Variants in PTPRC observed in about 807,000 individuals in gnomAD.
PTPRC encodes protein tyrosine phosphatase receptor type C, also known as receptor-type tyrosine-protein phosphatase C.
Under a neutral mutation model 155.9 loss-of-function variants are expected in PTPRC, and 44 were observed. The observed-to-expected ratio is 0.28, with a 90% CI of 0.22 to 0.36. PTPRC has a LOEUF of 0.36. Among genes scored for constraint, PTPRC ranks in the 10% least tolerant of loss-of-function variants. PTPRC has a pLI of 1.00. For missense variants in PTPRC, 1,401 were observed against 1,564.6 expected, an observed-to-expected ratio of 0.90 and a Z score of 1.76; for synonymous variants, 525 against 533.1, an observed-to-expected ratio of 0.98 and a Z score of 0.21.
At chr1:198,666,497 AT>A (rs1344794590) in intron 2 of PTPRC, among the ~76,000 whole-genome samples, 1 of 152,178 alleles carries the variant, frequency 6.6e-6, no homozygotes, top group African/African-American at 2.4e-5. Flanking sequence ...TTTGCTAACC[AT>A]GTTAGATGCT....
At chr1:198,748,234 T>C (rs1206798537) in intron 27 of PTPRC, 35 bp downstream of exon 27, 9 of 1,575,304 alleles carry the variant, frequency 5.7e-6, no homozygotes, top group Non-Finnish European at 7.8e-6. Flanking sequence ...TTGTATCAGA[T>C]AAAGTTAAGC....
At chr1:198,746,917 G>A (rs761399490) in intron 26 of PTPRC, among the ~76,000 whole-genome samples, 7 of 151,720 alleles carry the variant, frequency 4.6e-5, no homozygotes, top group East Asian at 1.9e-4. Context: ...ACTCAATTAC[G>A]TAGCAAAGAA....
At chr1:198,645,939 A>C (rs1403276357) in intron 2 of PTPRC, among the ~76,000 whole-genome samples, 1 of 151,782 alleles carries the variant, frequency 6.6e-6, no homozygotes, top group African/African-American at 2.4e-5. Flanking sequence ...CACCATTACC[A>C]GGATAATCTT....
intron 4 of PTPRC, 58 bp from the exon 5 acceptor site, chr1:198,699,506 A>G (rs1666359650): frequency 1.2e-6 from 2 of 1,601,076 alleles, no homozygotes; most frequent in African/African-American, 2.7e-5. Context: ...ACCTCTTAGT[A>G]AATTATTCAT....
At chr1:198,675,653 G>GT (rs766480662) in intron 2 of PTPRC, among the ~76,000 whole-genome samples, 2 of 152,086 alleles carry the variant, frequency 1.3e-5, no homozygotes, top group African/African-American at 2.4e-5. Context: ...TACATGAGAC[G>GT]TAAGACTATT....
At chr1:198,732,230 C>A in intron 18 of PTPRC, 70 bp from the exon 19 acceptor site, 1 of 1,197,346 alleles carries the variant, frequency 8.4e-7, no homozygotes, top group Non-Finnish European at 1.2e-6. Context: ...TTACTCAAAA[C>A]GGTCATTGGT....
chr1:198,658,830 CA>C lies in PTPRC; in HGVS notation c.73+19500del, dbSNP rs111375457. Among the ~76,000 whole-genome samples, 682 of 144,980 alleles carry C rather than the reference CA, an allele frequency of 4.7e-3. 4 individuals carry two copies. Among genetic ancestry groups the C allele is most frequent in the African/African-American group, 0.013 (534 of 39,786 alleles). ...TTTCTGGTTGCTCCTCATGATAATC[CA>C]AAAAAAAAAATCCAGCTAACCCTTA... On this transcript the variant is annotated intron_variant, in intron 2 of 32. Coordinates refer to ENST00000442510, the MANE Select transcript of PTPRC (RefSeq NM_002838.5).
intron 2 of PTPRC, among the ~76,000 whole-genome samples, chr1:198,654,280 C>G (rs1236296554): frequency 6.6e-6 from 1 of 151,734 alleles, no homozygotes; most frequent in Non-Finnish European, 1.5e-5. Context: ...AACAGTGGCA[C>G]ATGGGTCAGA....
At chr1:198,644,225 C>G (rs962842679) in intron 2 of PTPRC, among the ~76,000 whole-genome samples, 2 of 151,644 alleles carry the variant, frequency 1.3e-5, no homozygotes, top group African/African-American at 2.4e-5. Flanking sequence ...TAATTTCTGT[C>G]TAGTCTAAAT....
intron 29 of PTPRC, among the ~76,000 whole-genome samples, chr1:198,751,023 C>T (rs1655354773): frequency 1.3e-5 from 2 of 152,064 alleles, no homozygotes; most frequent in South Asian, 4.1e-4. Context: ...TTATGTTTTC[C>T]ATCCTCTCCA....
At chr1:198,662,477 TGAGA>T (rs1401065336) in intron 2 of PTPRC, among the ~76,000 whole-genome samples, 4 of 59,384 alleles carry the variant, frequency 6.7e-5, no homozygotes, top group Admixed American at 1.8e-4. Context: ...TGTGTGTGTG[TGAGA>T]GTGTGTGTGT....
chr1:198,731,636 G>A lies in PTPRC; in HGVS notation c.1884G>A (p.Met628Ile). 6.2e-7 allele frequency: 1 copy of A among 1,609,382 alleles called. No individual in the cohort carries two copies. The highest frequency in any genetic ancestry group is 8.5e-7 in the Non-Finnish European group (1 of 1,176,294). The change falls in exon 18 of 33, where the codon ATG (methionine) becomes ATA (isoleucine). Residue 628 changes from methionine to isoleucine, a missense_variant. By Grantham distance (10) the Met-to-Ile change is conservative (BLOSUM62 1). Transcript: ENST00000442510. ...LVERDDEKQL[M>I]NVEPIHADIL... ...TTCCAGATGATGAAAAACAACTGATGAATGTGGAGCCAATCCATGCAGATA... is the reference window on the plus strand; with the variant it reads ...TTCCAGATGATGAAAAACAACTGATAAATGTGGAGCCAATCCATGCAGATA...
chr1:198,746,192 G>T (rs1187621841), intron 26 of PTPRC, among the ~76,000 whole-genome samples: 4 of 151,922 alleles, frequency 2.6e-5, no homozygotes, highest in African/African-American at 4.8e-5. Flanking sequence ...TAAATGAGGT[G>T]GAGTGATTCA....
intron 25 of PTPRC, among the ~76,000 whole-genome samples, chr1:198,743,224 GTGTC>G (rs970325181): frequency 1.3e-5 from 2 of 151,896 alleles, no homozygotes; most frequent in Non-Finnish European, 2.9e-5. Flanking sequence ...ATCTAGGTTT[GTGTC>G]TGTCTGTTTG....
intron 14 of PTPRC, 134 bp downstream of exon 14, chr1:198,718,436 G>A (rs1653710611): frequency 1.3e-6 from 1 of 798,882 alleles, no homozygotes; most frequent in African/African-American, 1.7e-5. Context: ...CACACTTAAA[G>A]AGTCTCAAAT....
chr1:198,717,070 T>C (rs1156760138), intron 13 of PTPRC, among the ~76,000 whole-genome samples: 2 of 152,228 alleles, frequency 1.3e-5, no homozygotes, highest in Non-Finnish European at 2.9e-5. Flanking sequence ...CATAAAAGCA[T>C]CTTAATTGGC....
chr1:198,727,161 G>A (rs12132438), intron 15 of PTPRC, among the ~76,000 whole-genome samples: 2,049 of 152,104 alleles, frequency 0.013, 25 homozygotes, highest in Non-Finnish European at 0.016. Flanking sequence ...GCGCCTGTCT[G>A]TTCAGTTACC....
In PTPRC at chr1:198,756,014, G is replaced by A. The variant is rs1317421071; in HGVS notation, c.3754G>A (p.Val1252Met). Residue 1252 changes from valine to methionine, a missense_variant, in exon 33 of 33, where the codon GTG (valine) becomes ATG (methionine). By Grantham distance (21) the Val-to-Met change is conservative. This residue lies in a region of PTPRC where 400 missense variants were observed against 389.5 expected (regional missense o/e 1.03). Transcript: ENST00000442510. ...AGATAAAATTGAATTTGATAATGAA[G>A]TGGACAAAGTAAAGCAGGATGCTAA... ...QEDKIEFDNE[V>M]DKVKQDANCV... The A allele has an allele frequency of 2.5e-6, 4 of 1,613,424 alleles. No individual in the cohort carries two copies. Among genetic ancestry groups the A allele is most frequent in the East Asian group, 2.2e-5 (1 of 44,814 alleles).
At chr1:198,643,017 A>G (rs934586195) in intron 2 of PTPRC, among the ~76,000 whole-genome samples, 1 of 149,284 alleles carries the variant, frequency 6.7e-6, no homozygotes, top group African/African-American at 2.5e-5. Context: ...AACAAACAGG[A>G]GGTAGTTTTA....
Sources: gnomAD v4.1 joint callset for allele counts (sites outside exome capture counted in the v4.1 genomes callset) on GRCh38, gnomAD v4.1.1 for gene constraint, gnomAD v4.1.1 regional missense constraint, MANE v1.5 for transcripts, NCBI Gene and HGNC (gene_info 2026-07-23, HGNC 2026-07-21) for gene names.